ROBO1: variants seen among roughly 807,000 people sequenced by gnomAD.
ROBO1 encodes roundabout homolog 1.
In ROBO1, 149 loss-of-function variants were observed where a neutral mutation model predicts 195.9. The observed-to-expected ratio is 0.76, with a 90% CI of 0.67 to 0.87. The LOEUF is 0.87. ROBO1 is among the 40% of genes least tolerant of loss of function. ROBO1 has a pLI of 0.00. For synonymous variants in ROBO1, 816 were observed against 733.2 expected, an observed-to-expected ratio of 1.11 and a Z score of -1.82; for missense variants, 1,933 against 2,068.3, an observed-to-expected ratio of 0.93 and a Z score of 1.27.
intron 3 of ROBO1, among the ~76,000 whole-genome samples, chr3:78,987,745 A>G (rs2077143372): frequency 1.3e-5 from 2 of 152,078 alleles, no homozygotes. Context: ...GCATTTTAAA[A>G]TAACTAAAAG....
chr3:79,532,862 C>T (rs1941714532), intron 2 of ROBO1, among the ~76,000 whole-genome samples: 1 of 152,208 alleles, frequency 6.6e-6, no homozygotes, highest in African/African-American at 2.4e-5. Context: ...TCTCACTTCA[C>T]ATCCTACACT....
At position 79,455,855 on chromosome 3, in the gene ROBO1, G is replaced by A. The variant is rs78893674; in HGVS notation, c.88+133969C>T. ...ATACATAGCTCTAAGAATGATTACC[G>A]AATACGAAACATGACACTCTGTAAA... On this transcript the variant is annotated intron_variant, in intron 2 of 30. Transcript: ENST00000464233. 2.8e-3 allele frequency among the ~76,000 whole-genome samples: 420 copies of A among 152,190 alleles called. 12 individuals are homozygous for A. In the East Asian group the frequency reaches 0.077, roughly 28 times the overall value.
chr3:79,646,868 A>C (rs1945835285), intron 1 of ROBO1, among the ~76,000 whole-genome samples: 1 of 152,062 alleles, frequency 6.6e-6, no homozygotes, highest in Admixed American at 6.6e-5. Context: ...AGATCCCATA[A>C]AGACAGAAAG....
chr3:78,674,843 A>T (rs1708298108), intron 10 of ROBO1, among the ~76,000 whole-genome samples: 1 of 152,148 alleles, frequency 6.6e-6, no homozygotes, highest in Non-Finnish European at 1.5e-5. Flanking sequence ...ATGTATACCT[A>T]TATATAAGTT....
intron 2 of ROBO1, among the ~76,000 whole-genome samples, chr3:79,386,192 T>TA: frequency 6.6e-6 from 1 of 151,916 alleles, no homozygotes; most frequent in Admixed American, 6.6e-5. Flanking sequence ...TGATTTAAAC[T>TA]AAAAAAACAA....
intron 1 of ROBO1, among the ~76,000 whole-genome samples, chr3:79,658,662 A>C (rs1946240455): frequency 6.6e-6 from 1 of 152,150 alleles, no homozygotes; most frequent in Admixed American, 6.6e-5. Flanking sequence ...ACAAGCATAC[A>C]ATATATAATA....
intron 3 of ROBO1, among the ~76,000 whole-genome samples, chr3:79,056,434 G>T (rs773005545): frequency 6.6e-6 from 1 of 152,008 alleles, no homozygotes; most frequent in African/African-American, 2.4e-5. Context: ...ATTACACATC[G>T]CTCAGGAGAC....
chr3:78,989,412 G>C (rs2108045585), intron 3 of ROBO1, among the ~76,000 whole-genome samples: 1 of 152,284 alleles, frequency 6.6e-6, no homozygotes, highest in Middle Eastern at 3.4e-3. Flanking sequence ...TTAGGAGTTT[G>C]AGACTAGCCT....
intron 2 of ROBO1, among the ~76,000 whole-genome samples, chr3:79,342,510 T>C (rs2034947953): frequency 6.6e-6 from 1 of 152,174 alleles, no homozygotes; most frequent in African/African-American, 2.4e-5. Context: ...GTACTACATA[T>C]CAAAATTTTT....
intron 2 of ROBO1, among the ~76,000 whole-genome samples, chr3:79,428,698 T>C (rs894468110): frequency 2.0e-5 from 3 of 152,130 alleles, no homozygotes; most frequent in Non-Finnish European, 2.9e-5. Context: ...TTATTCATAA[T>C]CACCTCCACC....
At chr3:79,666,203 C>T (rs1560082847) in intron 1 of ROBO1, among the ~76,000 whole-genome samples, 2 of 151,808 alleles carry the variant, frequency 1.3e-5, no homozygotes, top group Admixed American at 6.6e-5. Context: ...TTAATTTATA[C>T]AATCTGGCTA....
rs568466848 is a variant in ROBO1, at chr3:79,343,047, C to A, written c.89-217508G>T. 4.6e-5 allele frequency among the ~76,000 whole-genome samples: 7 copies of A among 152,268 alleles called. No homozygotes were observed. In the South Asian group the frequency reaches 1.0e-3, roughly 23 times the overall value. Reference sequence around the variant, plus strand: ...ACCCTAACAACAATTGTTCTCTTCACTGTTTTTGTAGTTTTGCCTTTTTCG... The same window carrying A: ...ACCCTAACAACAATTGTTCTCTTCAATGTTTTTGTAGTTTTGCCTTTTTCG... On this transcript the variant is annotated intron_variant, in intron 2 of 30. Coordinates refer to ENST00000464233, the MANE Select transcript of ROBO1 (RefSeq NM_002941.4).
intron 2 of ROBO1, among the ~76,000 whole-genome samples, chr3:79,557,444 G>T (rs1407977694): frequency 4.0e-5 from 6 of 151,848 alleles, no homozygotes; most frequent in Non-Finnish European, 8.8e-5. Flanking sequence ...AATTAAAAAG[G>T]ATAATTTAGG....
At chr3:79,208,220 A>T (rs564994193) in intron 2 of ROBO1, among the ~76,000 whole-genome samples, 1 of 151,968 alleles carries the variant, frequency 6.6e-6, no homozygotes, top group Non-Finnish European at 1.5e-5. Context: ...TGTCCTCCCC[A>T]CTCATAAGTT....
chr3:79,267,440 A>G (rs145373136), intron 2 of ROBO1, among the ~76,000 whole-genome samples: 75 of 151,520 alleles, frequency 4.9e-4, no homozygotes, highest in African/African-American at 1.7e-3. Flanking sequence ...AATTGTACCT[A>G]GTTATGTGAT....
intron 22 of ROBO1, among the ~76,000 whole-genome samples, chr3:78,637,892 C>A (rs183254975): frequency 1.1e-4 from 17 of 150,670 alleles, no homozygotes; most frequent in Non-Finnish European, 7.4e-5. Flanking sequence ...CTCGCCTTTC[C>A]GTAATTCCAC....
At chr3:78,956,183 A>C (rs2041039172) in intron 3 of ROBO1, among the ~76,000 whole-genome samples, 2 of 152,150 alleles carry the variant, frequency 1.3e-5, no homozygotes, top group African/African-American at 4.8e-5. Context: ...AGTAATTAGT[A>C]ATCTTTATTT....
intron 1 of ROBO1, among the ~76,000 whole-genome samples, chr3:79,741,748 AG>A (rs1223950902): frequency 6.6e-6 from 1 of 152,182 alleles, no homozygotes; most frequent in African/African-American, 2.4e-5. Context: ...GGAACTTTCT[AG>A]AGTCTTGTTA....
intron 2 of ROBO1, among the ~76,000 whole-genome samples, chr3:79,457,853 C>A (rs886565510): frequency 1.1e-4 from 16 of 152,082 alleles, no homozygotes; most frequent in African/African-American, 3.4e-4. Flanking sequence ...TTGGGTATTT[C>A]TTCATAGCAA....
Sources: gnomAD v4.1 joint callset for allele counts (sites outside exome capture counted in the v4.1 genomes callset) on GRCh38, gnomAD v4.1.1 for gene constraint, MANE v1.5 for transcripts, NCBI Gene and HGNC (gene_info 2026-07-23, HGNC 2026-07-21) for gene names.